Variants in FHIT observed in about 807,000 individuals in gnomAD.
The protein encoded by FHIT is bis(5'-adenosyl)-triphosphatase.
In FHIT, 19 loss-of-function variants were observed where a neutral mutation model predicts 17.9. The observed-to-expected ratio is 1.06, with a 90% CI of 0.74 to 1.56. The LOEUF is 1.56. FHIT is among the 40% of genes most tolerant of loss of function. FHIT has a pLI of 0.00. For missense variants in FHIT, 248 were observed against 189.2 expected, an observed-to-expected ratio of 1.31 and a Z score of -1.82; for synonymous variants, 81 against 69.7, an observed-to-expected ratio of 1.16 and a Z score of -0.81.
chr3:60,571,094 G>A (rs1227231077), intron 4 of FHIT, among the ~76,000 whole-genome samples: 4 of 152,082 alleles, frequency 2.6e-5, no homozygotes, highest in South Asian at 2.1e-4. Context: ...TTGGGAGGCC[G>A]AGGCAGGTAG....
At chr3:60,712,224 T>G (rs1347160878) in intron 4 of FHIT, among the ~76,000 whole-genome samples, 3 of 152,072 alleles carry the variant, frequency 2.0e-5, no homozygotes, top group African/African-American at 4.8e-5. Context: ...GACAAGCAAA[T>G]GCTGAGAGAT....
intron 5 of FHIT, among the ~76,000 whole-genome samples, chr3:60,322,038 T>C (rs1191261750): frequency 6.6e-6 from 1 of 152,224 alleles, no homozygotes; most frequent in African/African-American, 2.4e-5. Flanking sequence ...GCAATATTCA[T>C]CCATGCTTCT....
At chr3:60,488,967 T>C (rs1320916073) in intron 5 of FHIT, among the ~76,000 whole-genome samples, 1 of 152,208 alleles carries the variant, frequency 6.6e-6, no homozygotes, top group Non-Finnish European at 1.5e-5. Flanking sequence ...TTTTAATTCA[T>C]ATATTCCACA....
At chr3:59,926,791 C>A (rs1422959273) in intron 7 of FHIT, among the ~76,000 whole-genome samples, 2 of 152,118 alleles carry the variant, frequency 1.3e-5, no homozygotes, top group African/African-American at 4.8e-5. Flanking sequence ...TACTTCATAC[C>A]CACTAGAAAG....
intron 7 of FHIT, among the ~76,000 whole-genome samples, chr3:59,962,590 G>T (rs374854817): frequency 5.9e-5 from 9 of 152,170 alleles, no homozygotes; most frequent in African/African-American, 2.2e-4. Context: ...ATTCCTAAAT[G>T]ACAGGGTTTA....
intron 7 of FHIT, among the ~76,000 whole-genome samples, chr3:59,957,126 G>C (rs749003774): frequency 6.6e-6 from 1 of 152,212 alleles, no homozygotes; most frequent in Non-Finnish European, 1.5e-5. Context: ...TTATGTTGAA[G>C]CCCTCATCCC....
Position 59,931,377 on chromosome 3 carries a change from T to C in FHIT, c.280-8963A>G, listed in dbSNP as rs535307753. On this transcript the variant is annotated intron_variant, in intron 7 of 9. Transcript: ENST00000492590. ...AGTCGAGTCAAGGGTCAGCATGAAA[T>C]TACTGACAGCCACTTAGTTCTAAAA... Among the ~76,000 whole-genome samples, 38 of 152,264 alleles carry C rather than the reference T, an allele frequency of 2.5e-4. 1 individual carries two copies. The South Asian group carries it at 7.7e-3, about 31-fold the overall frequency.
rs1050864923 is a variant in FHIT, at chr3:60,099,242, T to A, written c.104-85090A>T. The stretch of plus-strand genomic sequence containing the variant: ...GCTCTGTTTACCTCTTGATAACTTA[T>A]CCATCTACCAACCAAGAATTTTTAA... On this transcript the variant is annotated intron_variant, in intron 5 of 9. Transcript: ENST00000492590. 3.3e-5 allele frequency among the ~76,000 whole-genome samples: 5 copies of A among 152,308 alleles called. No individual in the cohort carries two copies. In the East Asian group the frequency reaches 9.7e-4, roughly 29 times the overall value.
intron 5 of FHIT, among the ~76,000 whole-genome samples, chr3:60,174,816 T>C (rs950117356): frequency 6.6e-6 from 1 of 152,212 alleles, no homozygotes; most frequent in Non-Finnish European, 1.5e-5. Context: ...CAGTTATTTC[T>C]TATTTTCTTT....
At position 60,741,676 on chromosome 3, in the gene FHIT, C is replaced by T. The variant is rs539918210; in HGVS notation, c.-18+80243G>A. On this transcript the variant is annotated intron_variant, in intron 4 of 9. Coordinates refer to ENST00000492590, the MANE Select transcript of FHIT (RefSeq NM_002012.4). ...CCTGTGGTCACTTTGCCTGAAATGC[C>T]CTTTCTCCTTCTCCTTCTTATCCAT... Among the ~76,000 whole-genome samples the T allele has an allele frequency of 1.2e-4, 19 of 152,266 alleles. 1 individual carries two copies. The South Asian group carries it at 3.9e-3, about 32-fold the overall frequency.
intron 3 of FHIT, among the ~76,000 whole-genome samples, chr3:60,893,773 G>A (rs556820345): frequency 1.3e-5 from 2 of 152,296 alleles, no homozygotes; most frequent in South Asian, 2.1e-4. Flanking sequence ...GCCCATCTGG[G>A]AAACCACCTG....
intron 3 of FHIT, among the ~76,000 whole-genome samples, chr3:60,822,228 T>C (rs148485910): frequency 0.033 from 5,096 of 152,296 alleles, 125 homozygotes; most frequent in South Asian, 0.069. Context: ...GGTTCATACA[T>C]GATCACACAA....
At chr3:61,041,175 T>C (rs1410522979) in intron 3 of FHIT, among the ~76,000 whole-genome samples, 2 of 151,940 alleles carry the variant, frequency 1.3e-5, no homozygotes, top group East Asian at 3.9e-4. Flanking sequence ...GGTCAAGAGA[T>C]CGACCCCATC....
intron 5 of FHIT, among the ~76,000 whole-genome samples, chr3:60,208,377 C>A (rs559131893): frequency 6.2e-5 from 9 of 144,286 alleles, no homozygotes; most frequent in South Asian, 2.2e-4. Context: ...TCACCTCCCC[C>A]CAAATTGTAA....
At chr3:60,034,089 A>G (rs1043628114) in intron 5 of FHIT, among the ~76,000 whole-genome samples, 3 of 152,238 alleles carry the variant, frequency 2.0e-5, no homozygotes, top group Admixed American at 2.0e-4. Flanking sequence ...CACTTTCCAT[A>G]TAACCCCTCA....
intron 5 of FHIT, among the ~76,000 whole-genome samples, chr3:60,171,398 T>C (rs1206949618): frequency 6.6e-6 from 1 of 152,148 alleles, no homozygotes; most frequent in Admixed American, 6.5e-5. Context: ...CCATATGATG[T>C]GGTACTCCCA....
chr3:59,762,856 G>A (rs899651019), intron 8 of FHIT, among the ~76,000 whole-genome samples: 2 of 152,162 alleles, frequency 1.3e-5, no homozygotes, highest in African/African-American at 4.8e-5. Context: ...AACTGGTGAG[G>A]CAAAAGGGAC....
intron 3 of FHIT, among the ~76,000 whole-genome samples, chr3:61,011,395 C>A (rs2031779770): frequency 6.6e-6 from 1 of 152,058 alleles, no homozygotes; most frequent in Non-Finnish European, 1.5e-5. Flanking sequence ...AAGAAACCAG[C>A]CCTCATAAAT....
chr3:60,471,922 A>G (rs1361408383), intron 5 of FHIT, among the ~76,000 whole-genome samples: 1 of 152,152 alleles, frequency 6.6e-6, no homozygotes, highest in Non-Finnish European at 1.5e-5. Flanking sequence ...AAATAAAGAG[A>G]TTAGGCTGAC....
Sources: allele counts gnomAD v4.1 joint callset (sites outside exome capture counted in the v4.1 genomes callset), GRCh38; gene constraint gnomAD v4.1.1; transcripts MANE v1.5; gene names NCBI Gene and HGNC (gene_info 2026-07-23, HGNC 2026-07-21).